Variants in UGT2A1 observed in about 807,000 individuals in gnomAD.
UGT2A1 encodes the protein UDP-glucuronosyltransferase 2A1.
Under a neutral mutation model 45.4 loss-of-function variants are expected in UGT2A1, and 61 were observed. That is an observed-to-expected ratio of 1.34 (90% CI 1.09 to 1.66). The LOEUF (loss-of-function observed/expected upper bound fraction) is 1.66. Ranked by LOEUF, UGT2A1 falls within the 40% of genes most tolerant of loss-of-function variation. The probability of loss-of-function intolerance (pLI) is 0.00; values close to 1 mark genes in which losing one functional copy is unlikely to be tolerated. For missense variants in UGT2A1, 649 were observed against 574.3 expected (o/e 1.13, Z -1.33); for synonymous variants, 229 against 196.2 (o/e 1.17, Z -1.40).
At chr4:69,652,188 AC>A (rs1722556694) in intron 1 of UGT2A1, among the ~76,000 whole-genome samples, 2 of 152,158 alleles carry the variant, frequency 1.3e-5, no homozygotes, top group Non-Finnish European at 2.9e-5. Flanking sequence ...CTACTGGTTA[AC>A]AACTGCATAC....
intron 2 of UGT2A1, among the ~76,000 whole-genome samples, chr4:69,636,116 A>G (rs1721695356): frequency 6.6e-6 from 1 of 152,168 alleles, no homozygotes; most frequent in Admixed American, 6.5e-5. Flanking sequence ...CCTTGTACTT[A>G]TTCTGATGTC....
rs1560491381 is a variant in UGT2A1, at chr4:69,635,403, AC to A, written c.847+287del. Among the ~76,000 whole-genome samples, 3 of 152,316 alleles carry A rather than the reference AC, an allele frequency of 2.0e-5. No individual in the cohort carries two copies. The South Asian group carries it at 6.2e-4, about 32-fold the overall frequency. On this transcript the variant is annotated intron_variant, in intron 3 of 6. Transcript: ENST00000286604. Reference sequence around the variant, plus strand: ...GAGCCATCCAGTTTCCAGTGGCCTTACCTGTCTAACCATTTTCACTACAGTG... The same window carrying A: ...GAGCCATCCAGTTTCCAGTGGCCTTACTGTCTAACCATTTTCACTACAGTG...
rs1325738095 is a variant in UGT2A1, at chr4:69,588,772, G to C, written c.*600C>G. 4.6e-5 allele frequency: 7 copies of C among 152,056 alleles called. No individual in the cohort carries two copies. The highest frequency in any genetic ancestry group is 2.0e-4 in the Admixed American group (3 of 15,256). The allele number at this position is 152,056 out of a possible 1,614,324, so 9.4% of individuals were successfully genotyped here. On this transcript the variant is annotated 3_prime_UTR_variant, in exon 7 of 7. Coordinates refer to ENST00000286604, the MANE Select transcript of UGT2A1 (RefSeq NM_001252275.3). ...AGGCAAGTTATGCCGTGATTTTCTA[G>C]ATATGCTTAATGAAAATTTTGTAGA...
At chr4:69,628,028 T>C (rs998990185) in intron 3 of UGT2A1, among the ~76,000 whole-genome samples, 5 of 151,988 alleles carry the variant, frequency 3.3e-5, no homozygotes, top group Non-Finnish European at 5.9e-5. Flanking sequence ...GTTGATATAA[T>C]CTCACTTGTC....
At chr4:69,592,339 C>T (rs1718639790) in intron 6 of UGT2A1, among the ~76,000 whole-genome samples, 1 of 151,876 alleles carries the variant, frequency 6.6e-6, no homozygotes, top group South Asian at 2.1e-4. Context: ...GAGCAAACAC[C>T]AAGACCGAGA....
At chr4:69,609,576 T>A (rs779891692) in intron 3 of UGT2A1, among the ~76,000 whole-genome samples, 34 of 152,146 alleles carry the variant, frequency 2.2e-4, no homozygotes, top group Non-Finnish European at 3.8e-4. Context: ...AATTGAATAG[T>A]TTGCAGAACA....
intron 3 of UGT2A1, among the ~76,000 whole-genome samples, chr4:69,618,018 C>T (rs1483838607): frequency 6.6e-6 from 1 of 151,788 alleles, no homozygotes; most frequent in Non-Finnish European, 1.5e-5. Context: ...GAAAATTTTC[C>T]AGGCCTTAAG....
At position 69,615,346 on chromosome 4, in the gene UGT2A1, C is replaced by T. The variant is rs1019416212; in HGVS notation, c.848-15952G>A. Reference sequence around the variant, plus strand: ...AATAAGACCTCAGAAGCACAGCCATCCAAAGCAAAAATGGACAGATGGGAT... The same window carrying T: ...AATAAGACCTCAGAAGCACAGCCATTCAAAGCAAAAATGGACAGATGGGAT... On this transcript the variant is annotated intron_variant, in intron 3 of 6. Coordinates refer to ENST00000286604, the MANE Select transcript of UGT2A1 (RefSeq NM_001252275.3). Among the ~76,000 whole-genome samples, 3 of 151,570 alleles carry T rather than the reference C, an allele frequency of 2.0e-5. 1 individual carries two copies. The highest frequency in any genetic ancestry group is 2.0e-4 in the Admixed American group (3 of 15,206).
chr4:69,589,557 G>A lies in UGT2A1; in HGVS notation c.1399C>T (p.Arg467Cys), dbSNP rs767856867. 2.9e-5 allele frequency: 46 copies of A among 1,613,920 alleles called. No individual in the cohort carries two copies. The highest frequency in any genetic ancestry group is 2.2e-4 in the East Asian group (10 of 44,888). Residue 467 changes from arginine (R) to cysteine (C), a missense_variant, in exon 7 of 7, where the codon CGC (arginine) becomes TGC (cysteine). By Grantham distance (180) the Arg-to-Cys change is radical. Transcript: ENST00000286604. ...RAVFWIEFVM[R>C]HKGAKHLRVA... ...CGAAGGTGCTTGGCTCCTTTGTGGC[G>A]CATGACAAACTCGATCCAGAAGACT...
chr4:69,595,205 G>C lies in UGT2A1; in HGVS notation c.1041C>G (p.Asn347Lys), dbSNP rs541627076. 6.2e-7 allele frequency: 1 copy of C among 1,613,786 alleles called. No individual in the cohort carries two copies. The highest frequency in any genetic ancestry group is 1.3e-5 in the African/African-American group (1 of 75,002). ...GTATCCAATCAAAGAGCTGAGTATT[G>C]TTTCCTAATGTGGCTGGTTTCTTTC... is the stretch of plus-strand genomic sequence containing the variant. Reference protein sequence around the residue: ...YKGKKPATLGNNTQLFDWIPQ... With the variant: ...YKGKKPATLGKNTQLFDWIPQ... Residue 347 changes from asparagine (N) to lysine (K), a missense_variant, in exon 5 of 7, where the codon AAC becomes AAG. Transcript: ENST00000286604.
rs535984402 is a variant in UGT2A1, at chr4:69,641,526, G to A, written c.715+5404C>T. On this transcript the variant is annotated intron_variant, in intron 2 of 6. Transcript: ENST00000286604. The stretch of plus-strand genomic sequence containing the variant: ...GTCTCCCCAAGGCCAAAAAAAGCCT[G>A]GAAACCAGCTTTCATACTGTTTTGG... Among the ~76,000 whole-genome samples the A allele has an allele frequency of 7.2e-5, 11 of 151,818 alleles. No homozygotes were observed. In the East Asian group the frequency reaches 2.1e-3, roughly 29 times the overall value.
chr4:69,646,432 T>G (rs1353687764), intron 2 of UGT2A1, among the ~76,000 whole-genome samples: 1 of 151,876 alleles, frequency 6.6e-6, no homozygotes, highest in Non-Finnish European at 1.5e-5. Flanking sequence ...GTTCACACCT[T>G]ACAATTAAAG....
intron 2 of UGT2A1, among the ~76,000 whole-genome samples, chr4:69,637,873 G>A (rs1721801340): frequency 6.7e-6 from 1 of 148,874 alleles, no homozygotes; most frequent in African/African-American, 2.5e-5. Flanking sequence ...AGAGAATGAA[G>A]GAAGAAAAGT....
intron 3 of UGT2A1, among the ~76,000 whole-genome samples, chr4:69,627,463 A>AGCAGGCAGGCAG (rs1002480493): frequency 3.1e-5 from 2 of 63,832 alleles, no homozygotes; most frequent in African/African-American, 1.5e-4. Flanking sequence ...CAGACAGGCA[A>AGCAGGCAGGCAG]GCAGGCAGGC....
chr4:69,627,841 A>G lies in UGT2A1; in HGVS notation c.847+7850T>C, dbSNP rs987686123. Among the ~76,000 whole-genome samples the G allele has an allele frequency of 1.6e-4, 25 of 152,060 alleles. 1 individual carries two copies. Among genetic ancestry groups the G allele is most frequent in the Admixed American group, 1.4e-3 (22 of 15,226 alleles). ...GGAGGGATAAATAGAAAATTTATAAATGTCATAGACAATATTACAGGTTAA... is the reference window on the plus strand; with the variant it reads ...GGAGGGATAAATAGAAAATTTATAAGTGTCATAGACAATATTACAGGTTAA... On this transcript the variant is annotated intron_variant, in intron 3 of 6. Coordinates refer to ENST00000286604, the MANE Select transcript of UGT2A1 (RefSeq NM_001252275.3).
Position 69,599,450 on chromosome 4 carries a change from A to G in UGT2A1, c.848-56T>C, listed in dbSNP as rs904176677. 2.8e-5 allele frequency: 44 copies of G among 1,582,214 alleles called. No individual in the cohort carries two copies. In the African/African-American group the frequency reaches 5.2e-4, roughly 19 times the overall value. On this transcript the variant is annotated intron_variant, in intron 3 of 6. Coordinates refer to ENST00000286604, the MANE Select transcript of UGT2A1 (RefSeq NM_001252275.3). ...AAATTAGCTTATATGTTTGCTGAGG[A>G]GAAAAAAAAGCTACCAGTAATTTCC...
intron 3 of UGT2A1, among the ~76,000 whole-genome samples, chr4:69,609,243 T>C (rs1719882054): frequency 6.6e-6 from 1 of 151,740 alleles, no homozygotes; most frequent in Admixed American, 6.6e-5. Flanking sequence ...GCCTTGACCT[T>C]ATGAGCCCAA....
rs1718843329 is a variant in UGT2A1, at chr4:69,595,153, C to T, written c.1084+9G>A. On this transcript the variant is annotated intron_variant, in intron 5 of 6. Transcript: ENST00000286604. ...CCACTGTACAGCTTTTCTTTCCCCA[C>T]AGTCTTACCAAGAAGATCATTCTGG... is the stretch of plus-strand genomic sequence containing the variant. 2 of 1,613,796 alleles carry T rather than the reference C, an allele frequency of 1.2e-6. No homozygotes were observed. The highest frequency in any genetic ancestry group is 1.7e-6 in the Non-Finnish European group (2 of 1,179,832).
chr4:69,590,899 T>A (rs1304777536), intron 6 of UGT2A1, among the ~76,000 whole-genome samples: 1 of 152,206 alleles, frequency 6.6e-6, no homozygotes, highest in African/African-American at 2.4e-5. Context: ...ATAATTAAAT[T>A]ACAATGGTCT....
Sources: allele counts gnomAD v4.1 joint callset (sites outside exome capture counted in the v4.1 genomes callset), GRCh38; gene constraint gnomAD v4.1.1; transcripts MANE v1.5; gene names NCBI Gene and HGNC (gene_info 2026-07-23, HGNC 2026-07-21).